The following KDM6B variants were observed in gnomAD, a reference collection of about 807,000 sequenced individuals.
The protein encoded by KDM6B is lysine demethylase 6B, also known as lysine-specific demethylase 6B.
In KDM6B, 22 loss-of-function variants were observed where a neutral mutation model predicts 150.4. The observed-to-expected ratio is 0.15, with a 90% CI of 0.10 to 0.21. The LOEUF (loss-of-function observed/expected upper bound fraction) is 0.21, where lower values mean the gene tolerates loss of function less well. Ranked by LOEUF, KDM6B falls within the 10% of genes least tolerant of loss-of-function variation. The pLI, the probability that KDM6B is intolerant of heterozygous loss-of-function variation, is 1.00. For synonymous variants in KDM6B, 1,148 were observed against 921.1 expected (o/e 1.25, Z -4.46); for missense variants, 1,984 against 2,234.3 (o/e 0.89, Z 2.26).
intron 1 of KDM6B, among the ~76,000 whole-genome samples, chr17:7,834,685 A>T (rs948325280): frequency 6.6e-6 from 1 of 151,208 alleles, no homozygotes; most frequent in African/African-American, 2.4e-5. Flanking sequence ...ACTAAAGGGC[A>T]GAGTTTGCAG....
Position 7,849,664 on chromosome 17 carries a change from C to T in KDM6B, c.3376C>T (p.Arg1126Trp), listed in dbSNP as rs970028026. ...CTTTATCGCCTCTGAGGTGGAAGAG[C>T]GGCGGCTGCGCATGGCAGACCTCAC... ...ETFIASEVEE[R>W]RLRMADLTIS... Residue 1126 changes from arginine to tryptophan, a missense_variant, in exon 12 of 24, where the codon CGG becomes TGG. Physicochemically the swap from Arg to Trp is moderately radical, Grantham distance 101 (BLOSUM62 -3). This residue lies in a region of KDM6B where 1,379 missense variants were observed against 1,275.6 expected (regional missense o/e 1.08). Coordinates refer to ENST00000448097, the MANE Select transcript of KDM6B (RefSeq NM_001348716.2). 22 of 1,609,518 alleles carry T rather than the reference C, an allele frequency of 1.4e-5. No homozygotes were observed. The highest frequency in any genetic ancestry group is 1.6e-4 in the Middle Eastern group (1 of 6,082).
chr17:7,848,979 A>G lies in KDM6B; in HGVS notation c.2691A>G (p.Gln897=). 2.0e-6 allele frequency: 3 copies of G among 1,518,744 alleles called. No individual in the cohort carries two copies. The highest frequency in any genetic ancestry group is 2.7e-6 in the Non-Finnish European group (3 of 1,113,444). 94.1% of individuals were successfully genotyped at this position (1,518,744 alleles called of 1,614,324 possible). ...TCCCGGGCCCCATGACCCCCACCCA[A>G]CCGCCCCCACCCCTATCTCTGCCCC... ...EPVPGPMTPT[Q]PPPPLSLPPA... Residue 897 remains glutamine, a synonymous_variant, in exon 12 of 24, where the codon CAA becomes CAG. Transcript: ENST00000448097.
Position 7,847,434 on chromosome 17 carries a change from G to A in KDM6B, c.1239G>A (p.Val413=), listed in dbSNP as rs763692536. The A allele has an allele frequency of 1.9e-6, 3 of 1,613,580 alleles. No individual in the cohort carries two copies. The highest frequency in any genetic ancestry group is 4.5e-5 in the East Asian group (2 of 44,892). ...SSSSNTGLRG[V]EPNPGIPGAD... is the part of the protein sequence containing the mutation. Reference sequence around the variant, plus strand: ...GCAGCAACACTGGTCTCCGGGGCGTGGAGCCGAACCCAGGCATTGTGAGTG... The same window carrying A: ...GCAGCAACACTGGTCTCCGGGGCGTAGAGCCGAACCCAGGCATTGTGAGTG... The change falls in exon 11 of 24, where the codon GTG becomes GTA. Residue 413 remains valine (V), a synonymous_variant. Coordinates refer to ENST00000448097, the MANE Select transcript of KDM6B (RefSeq NM_001348716.2).
chr17:7,835,760 C>T (rs1430460977), intron 1 of KDM6B, among the ~76,000 whole-genome samples: 2 of 149,768 alleles, frequency 1.3e-5, no homozygotes, highest in Non-Finnish European at 3.0e-5. Flanking sequence ...CCCCGCCCTG[C>T]GCCGCACGCG....
chr17:7,847,900 C>A lies in KDM6B; in HGVS notation c.1612C>A (p.Gln538Lys). 1 of 1,609,436 alleles carries A rather than the reference C, an allele frequency of 6.2e-7. No homozygotes were observed. The highest frequency in any genetic ancestry group is 8.5e-7 in the Non-Finnish European group (1 of 1,178,826). ...GGCCTCCCGCTTTTCTGTGGGCACT[C>A]AGGATTCTCACACCCCTCCCACTCC... Reference protein sequence around the residue: ...PPASRFSVGTQDSHTPPTPPT... With the variant: ...PPASRFSVGTKDSHTPPTPPT... Residue 538 changes from glutamine to lysine, a missense_variant, in exon 12 of 24, where the codon CAG (glutamine) becomes AAG (lysine). Gln to Lys is a moderately conservative substitution (Grantham distance 53). This residue lies in a region of KDM6B where 1,379 missense variants were observed against 1,275.6 expected (regional missense o/e 1.08). Transcript: ENST00000448097.
Position 7,846,452 on chromosome 17 carries a change from T to C in KDM6B, c.509T>C (p.Leu170Pro). 6.5e-7 allele frequency: 1 copy of C among 1,548,942 alleles called. No individual in the cohort carries two copies. The highest frequency in any genetic ancestry group is 8.8e-7 in the Non-Finnish European group (1 of 1,141,448). The change falls in exon 8 of 24, where the codon CTG becomes CCG. Residue 170 changes from leucine (L) to proline (P), a missense_variant. By Grantham distance (98) the Leu-to-Pro change is moderately conservative. Coordinates refer to ENST00000448097, the MANE Select transcript of KDM6B (RefSeq NM_001348716.2). ...TCCTGCCAGCACCGAGCCAAGGTCC[T>C]GCCCCCACTGGAGCAAGTGTGGAAC... ...TGSCQHRAKV[L>P]PPLEQVWNLL...
Position 7,848,355 on chromosome 17 carries a change from G to C in KDM6B, c.2067G>C (p.Lys689Asn). 6.2e-7 allele frequency: 1 copy of C among 1,612,902 alleles called. No individual in the cohort carries two copies. ...EDQFEEPAEF[K>N]ILPDGLANIM... ...AGTTTGAGGAGCCAGCCGAATTCAA[G>C]ATCCTACCTGATGGGCTGGCCAACA... Residue 689 changes from lysine (K) to asparagine (N), a missense_variant, in exon 12 of 24, where the codon AAG becomes AAC. This residue lies in a region of KDM6B where 1,379 missense variants were observed against 1,275.6 expected (regional missense o/e 1.08). Coordinates refer to ENST00000448097, the MANE Select transcript of KDM6B (RefSeq NM_001348716.2).
chr17:7,853,227 C>T lies in KDM6B; in HGVS notation c.4755C>T (p.Ile1585=), dbSNP rs2078738623. ...CNECDVEVFN[I]LFVTSENGSR... ...TGCCCCAGGTGGAGGTGTTTAACAT[C>T]CTGTTCGTGACAAGTGAGAATGGCA... Residue 1585 remains isoleucine, a synonymous_variant, in exon 23 of 24, where the codon ATC becomes ATT. Coordinates refer to ENST00000448097, the MANE Select transcript of KDM6B (RefSeq NM_001348716.2). The T allele has an allele frequency of 3.7e-6, 6 of 1,612,638 alleles. No individual in the cohort carries two copies. Among genetic ancestry groups the T allele is most frequent in the Admixed American group, 1.7e-5 (1 of 59,858 alleles).
At chr17:7,840,896 A>G (rs945930296) in intron 2 of KDM6B, among the ~76,000 whole-genome samples, 1 of 152,168 alleles carries the variant, frequency 6.6e-6, no homozygotes, top group East Asian at 1.9e-4. Flanking sequence ...GACGTGAGAC[A>G]TTGGGGATGG....
At position 7,838,752 on chromosome 17, in the gene KDM6B, G is replaced by A. The variant is rs151022583; in HGVS notation, c.-387-1154G>A. ...CACAGACTATAGATACACACTCTCTGCTCCCAGGTTATGAGCCTCCCTGTC... is the reference window on the plus strand; with the variant it reads ...CACAGACTATAGATACACACTCTCTACTCCCAGGTTATGAGCCTCCCTGTC... On this transcript the variant is annotated intron_variant, in intron 1 of 23. Coordinates refer to ENST00000448097, the MANE Select transcript of KDM6B (RefSeq NM_001348716.2). Among the ~76,000 whole-genome samples the A allele has an allele frequency of 9.2e-3, 1,396 of 151,600 alleles. 23 individuals are homozygous for A. Among genetic ancestry groups the A allele is most frequent in the African/African-American group, 0.03 (1,247 of 41,246 alleles).
In KDM6B at chr17:7,851,339, G is replaced by C; in HGVS notation, c.3889G>C (p.Glu1297Gln). 1 of 1,614,132 alleles carries C rather than the reference G, an allele frequency of 6.2e-7. No individual in the cohort carries two copies. Among genetic ancestry groups the C allele is most frequent in the Non-Finnish European group, 8.5e-7 (1 of 1,180,024 alleles). The change falls in exon 16 of 24, where the codon GAG becomes CAG. Residue 1297 changes from glutamate to glutamine, a missense_variant. Physicochemically the swap from Glu to Gln is conservative, Grantham distance 29 (BLOSUM62 2). Coordinates refer to ENST00000448097, the MANE Select transcript of KDM6B (RefSeq NM_001348716.2). ...SFQESLQEEK[E>Q]SEDEESEEPD... ...CCCTCTGGCTGAACAGGAGGAGAAG[G>C]AGAGTGAGGATGAGGAGTCAGAGGA...
rs1281426702 is a variant in KDM6B at position 7,852,347 on chromosome 17, G to A, written c.4468+11G>A. The A allele has an allele frequency of 1.9e-6, 3 of 1,612,442 alleles. No individual in the cohort carries two copies. The highest frequency in any genetic ancestry group is 1.7e-5 in the Admixed American group (1 of 60,014). On this transcript the variant is annotated intron_variant, in intron 20 of 23. Transcript: ENST00000448097. Reference sequence around the variant, plus strand: ...TGGGGCCCCTCACCGGTGAGAGGGTGGGGCAGGTGTTGGCGTGGTGTGGCG... The same window carrying A: ...TGGGGCCCCTCACCGGTGAGAGGGTAGGGCAGGTGTTGGCGTGGTGTGGCG...
Position 7,852,886 on chromosome 17 carries a change from C to G in KDM6B, c.4611-114C>G, listed in dbSNP as rs943197048. 6 of 1,434,564 alleles carry G rather than the reference C, an allele frequency of 4.2e-6. 1 individual carries two copies. The African/African-American group carries it at 7.0e-5, about 17-fold the overall frequency. 88.9% of individuals were successfully genotyped at this position (1,434,564 alleles called of 1,614,324 possible). A position where few individuals can be genotyped will look rare whatever the true frequency, so the allele number is the denominator to read the frequency against. On this transcript the variant is annotated intron_variant, in intron 21 of 23. Transcript: ENST00000448097. ...CAGAGGATGTGACCTAGACATGAAG[C>G]GGGGAGGCCCCTAGGGGAGGGCCCT...
In KDM6B at chr17:7,846,680, C is replaced by T. The variant is rs2078546624; in HGVS notation, c.651C>T (p.Pro217=). The change falls in exon 9 of 24, where the codon CCC becomes CCT. Residue 217 remains proline (P), a synonymous_variant. Transcript: ENST00000448097. The part of the protein sequence containing the change: ...QPVPPAALSG[P]SGEEGLSPGG... ...TGCCTCCTGCAGCACTCTCAGGCCCCTCAGGGGAGGAGGGCCTCAGCCCTG... is the reference window on the plus strand; with the variant it reads ...TGCCTCCTGCAGCACTCTCAGGCCCTTCAGGGGAGGAGGGCCTCAGCCCTG... 2 of 1,614,028 alleles carry T rather than the reference C, an allele frequency of 1.2e-6. No homozygotes were observed. The highest frequency in any genetic ancestry group is 1.3e-5 in the African/African-American group (1 of 74,922).
Position 7,849,671 on chromosome 17 carries a change from T to A in KDM6B, c.3383T>A (p.Leu1128Gln). 6.2e-7 allele frequency: 1 copy of A among 1,609,938 alleles called. No individual in the cohort carries two copies. The highest frequency in any genetic ancestry group is 8.5e-7 in the Non-Finnish European group (1 of 1,179,970). ...FIASEVEERR[L>Q]RMADLTISHC... ...GCCTCTGAGGTGGAAGAGCGGCGGC[T>A]GCGCATGGCAGACCTCACCATCAGC... The change falls in exon 12 of 24, where the codon CTG (leucine) becomes CAG (glutamine). Residue 1128 changes from leucine (L) to glutamine (Q), a missense_variant. Physicochemically the swap from Leu to Gln is moderately radical, Grantham distance 113. This residue lies in a region of KDM6B where 1,379 missense variants were observed against 1,275.6 expected (regional missense o/e 1.08). Coordinates refer to ENST00000448097, the MANE Select transcript of KDM6B (RefSeq NM_001348716.2).
rs772537051 is a variant in KDM6B at position 7,849,327 on chromosome 17, G to A, written c.3039G>A (p.Lys1013=). 11 of 1,570,004 alleles carry A rather than the reference G, an allele frequency of 7.0e-6. No homozygotes were observed. The South Asian group carries it at 1.3e-4, about 18-fold the overall frequency. ...CCAAGGCCAAGGTCCCCAAAGAAAAGAGCCGCCGGGTGCTGGGGAACCTGG... is the reference window on the plus strand; with the variant it reads ...CCAAGGCCAAGGTCCCCAAAGAAAAAAGCCGCCGGGTGCTGGGGAACCTGG... The part of the protein sequence containing the change: ...AKAKAKVPKE[K]SRRVLGNLDL... The change falls in exon 12 of 24, where the codon AAG becomes AAA. Residue 1013 remains lysine, a synonymous_variant. Transcript: ENST00000448097.
chr17:7,849,763 A>C (rs1164413043), intron 12 of KDM6B, 35 bp downstream of exon 12: 1 of 1,612,632 alleles, frequency 6.2e-7, no homozygotes, highest in Non-Finnish European at 8.5e-7. Flanking sequence ...TCCCGGAGAC[A>C]GGCTCCCTTC....
At position 7,852,010 on chromosome 17, in the gene KDM6B, G is replaced by C. The variant is rs1301584967; in HGVS notation, c.4225G>C (p.Glu1409Gln). ...CATCAACATTGGCCCAGGCGACTGC[G>C]AGTGGTTCGCGGTGCACGAGCACTA... The part of the protein sequence containing the change: ...VNINIGPGDC[E>Q]WFAVHEHYWE... Residue 1409 changes from glutamate to glutamine, a missense_variant, in exon 19 of 24, where the codon GAG (glutamate) becomes CAG (glutamine). Glu to Gln is a conservative substitution (Grantham distance 29). Around this residue, in one of 13 missense-constraint regions of KDM6B, gnomAD observed 31 missense variants for 120.3 expected, o/e 0.26. Coordinates refer to ENST00000448097, the MANE Select transcript of KDM6B (RefSeq NM_001348716.2). The C allele has an allele frequency of 6.2e-7, 1 of 1,614,098 alleles. No individual in the cohort carries two copies. The highest frequency in any genetic ancestry group is 8.5e-7 in the Non-Finnish European group (1 of 1,180,036).
chr17:7,834,238 T>A lies in KDM6B; in HGVS notation c.-500T>A, dbSNP rs1217731917. 1.3e-5 allele frequency among the ~76,000 whole-genome samples: 2 copies of A among 150,544 alleles called. No homozygotes were observed. The highest frequency in any genetic ancestry group is 2.1e-4 in the South Asian group (1 of 4,702). ...GGGTGTTTGTGTTGGAAAATCCAAC[T>A]GCGCCACTGGGCGGAGCGGCCCCCC... is the stretch of plus-strand genomic sequence containing the variant. On this transcript the variant is annotated 5_prime_UTR_variant, in exon 1 of 24. Coordinates refer to ENST00000448097, the MANE Select transcript of KDM6B (RefSeq NM_001348716.2).
Sources: gnomAD v4.1 joint callset for allele counts (sites outside exome capture counted in the v4.1 genomes callset) on GRCh38, gnomAD v4.1.1 for gene constraint, gnomAD v4.1.1 regional missense constraint, MANE v1.5 for transcripts, NCBI Gene and HGNC (gene_info 2026-07-23, HGNC 2026-07-21) for gene names.